ZNF678: variants seen among roughly 807,000 people sequenced by gnomAD.
ZNF678 encodes zinc finger protein 678.
A neutral mutation model predicts 3.0 loss-of-function variants in ZNF678; 5 were observed. The observed-to-expected ratio is 1.69, with a 90% confidence interval of 0.88 to 3.56. ZNF678 has a LOEUF of 3.56. Ranked by LOEUF, ZNF678 falls within the 30% of genes most tolerant of loss-of-function variation. The pLI, the probability that ZNF678 is intolerant of heterozygous loss-of-function variation, is 0.00. For synonymous variants in ZNF678, 218 were observed against 199.6 expected (o/e 1.09, Z -0.78); for missense variants, 593 against 605.0 (o/e 0.98, Z 0.21).
At chr1:227,599,102 C>A in intron 1 of ZNF678, 1 of 1,593,674 alleles carries the variant, frequency 6.3e-7, no homozygotes. Context: ...ACCCCTTGAT[C>A]TCGCCATTGC....
intron 1 of ZNF678, among the ~76,000 whole-genome samples, chr1:227,636,291 T>G (rs1364686533): frequency 1.3e-5 from 2 of 152,188 alleles, no homozygotes; most frequent in African/African-American, 4.8e-5. Context: ...TTGAAGCGAT[T>G]TCTAGAACCG....
chr1:227,591,149 A>G (rs945521871), intron 1 of ZNF678, among the ~76,000 whole-genome samples: 1 of 151,910 alleles, frequency 6.6e-6, no homozygotes, highest in African/African-American at 2.4e-5. Context: ...AGTTTATTGT[A>G]GAAGGTTTGA....
At chr1:227,634,024 G>A (rs144780422) in intron 1 of ZNF678, among the ~76,000 whole-genome samples, 63 of 152,240 alleles carry the variant, frequency 4.1e-4, no homozygotes, top group Non-Finnish European at 8.2e-4. Context: ...TTGCATTTTT[G>A]TATACCAGCT....
intron 1 of ZNF678, among the ~76,000 whole-genome samples, chr1:227,572,309 G>A (rs1296371354): frequency 6.6e-6 from 1 of 152,282 alleles, no homozygotes; most frequent in Non-Finnish European, 1.5e-5. Flanking sequence ...TATGGGAGAA[G>A]CAGGTTGTGA....
rs1157114099 is a variant in ZNF678 at position 227,657,493 on chromosome 1, A to G, written c.*1665A>G. 1.3e-5 allele frequency: 2 copies of G among 151,934 alleles called. No homozygotes were observed. The highest frequency in any genetic ancestry group is 3.9e-4 in the East Asian group (2 of 5,188). 9.4% of individuals were successfully genotyped at this position (151,934 alleles called of 1,614,324 possible). ...ACAATGATACTCTTATATAATCTTC[A>G]GTATAACCATTATAATTGCCCACTA... is the stretch of plus-strand genomic sequence containing the variant. On this transcript the variant is annotated 3_prime_UTR_variant, in exon 4 of 4. Coordinates refer to ENST00000343776, the MANE Select transcript of ZNF678 (RefSeq NM_001367909.1).
intron 2 of ZNF678, among the ~76,000 whole-genome samples, chr1:227,647,914 G>A (rs951019741): frequency 1.3e-5 from 2 of 152,064 alleles, no homozygotes; most frequent in African/African-American, 4.8e-5. Context: ...TTGGCATTTG[G>A]TTCAGAAATC....
intron 1 of ZNF678, among the ~76,000 whole-genome samples, chr1:227,593,492 C>T (rs908200141): frequency 6.6e-6 from 1 of 152,210 alleles, no homozygotes; most frequent in Non-Finnish European, 1.5e-5. Context: ...GGGGGCAAGA[C>T]TCCTGGTTGG....
intron 5 of ZNF678, among the ~76,000 whole-genome samples, chr1:227,671,826 C>T (rs902002192): frequency 3.9e-5 from 6 of 152,124 alleles, no homozygotes; most frequent in African/African-American, 1.4e-4. Flanking sequence ...TGATGTAAGG[C>T]CCTTATTTCC....
In ZNF678 at chr1:227,638,717, A is replaced by G. The variant is rs1658742325; in HGVS notation, c.-163-7827A>G. 6.6e-6 allele frequency among the ~76,000 whole-genome samples: 1 copy of G among 152,080 alleles called. No homozygotes were observed. Among genetic ancestry groups the G allele is most frequent in the African/African-American group, 2.4e-5 (1 of 41,380 alleles). On this transcript the variant is annotated intron_variant, in intron 1 of 3. Transcript: ENST00000343776. The surrounding 1 kb of genome is among the most constrained non-coding windows in gnomAD (Gnocchi z 4.2). ...GGGAGTAATGTGGAGTTTTGAAAGG[A>G]TGTCTCTGCTTAGGAGCAGAGTTGG...
intron 1 of ZNF678, among the ~76,000 whole-genome samples, chr1:227,580,733 C>T (rs549576982): frequency 5.2e-4 from 79 of 152,154 alleles, no homozygotes; most frequent in African/African-American, 1.9e-3. Context: ...AGTTCTAGAC[C>T]AGCCTGACCA....
chr1:227,629,072 C>T (rs1336430951), intron 1 of ZNF678, among the ~76,000 whole-genome samples: 1 of 152,212 alleles, frequency 6.6e-6, no homozygotes, highest in Non-Finnish European at 1.5e-5. Flanking sequence ...CACTAACCTC[C>T]ACTGTCCATT....
rs765839040 is a variant in ZNF678, at chr1:227,652,150, A to T, written c.85+1074A>T. Among the ~76,000 whole-genome samples, 4 of 152,302 alleles carry T rather than the reference A, an allele frequency of 2.6e-5. No individual in the cohort carries two copies. The South Asian group carries it at 8.3e-4, about 32-fold the overall frequency. ...TTATATATGTTCCCAATAAATGAAC[A>T]CTTTTATTATTACTTGATGCTCATA... On this transcript the variant is annotated intron_variant, in intron 3 of 3. Coordinates refer to ENST00000343776, the MANE Select transcript of ZNF678 (RefSeq NM_001367909.1).
intron 1 of ZNF678, among the ~76,000 whole-genome samples, chr1:227,595,220 C>G (rs941892789): frequency 6.6e-6 from 1 of 150,394 alleles, no homozygotes; most frequent in African/African-American, 2.5e-5. Flanking sequence ...GACTTTGTCT[C>G]TCTCTCTTTG....
chr1:227,598,285 A>C, intron 1 of ZNF678: 1 of 806,816 alleles, frequency 1.2e-6, no homozygotes, highest in African/African-American at 1.8e-5. Context: ...GTGGCATCTG[A>C]GTGGCTACTG....
At chr1:227,574,682 A>G (rs1396751655) in intron 1 of ZNF678, among the ~76,000 whole-genome samples, 1 of 151,786 alleles carries the variant, frequency 6.6e-6, no homozygotes. Flanking sequence ...CCATTTGCCA[A>G]TTTTGCTTTT....
intron 2 of ZNF678, among the ~76,000 whole-genome samples, chr1:227,649,732 A>C (rs1659046446): frequency 6.6e-6 from 1 of 152,180 alleles, no homozygotes; most frequent in Non-Finnish European, 1.5e-5. Flanking sequence ...GTGATATTTC[A>C]TCATGGTTTT....
chr1:227,581,819 A>G (rs919083108), intron 1 of ZNF678, among the ~76,000 whole-genome samples: 2 of 152,222 alleles, frequency 1.3e-5, no homozygotes, highest in African/African-American at 2.4e-5. Flanking sequence ...GTTCAGCTTT[A>G]GTATATACTG....
intron 1 of ZNF678, among the ~76,000 whole-genome samples, chr1:227,621,480 A>G (rs1658279117): frequency 6.6e-6 from 1 of 152,110 alleles, no homozygotes; most frequent in Admixed American, 6.5e-5. Flanking sequence ...CTCCTTAGAT[A>G]CACAGGCAGC....
In ZNF678 at chr1:227,616,991, C is replaced by T. The variant is rs145948693; in HGVS notation, c.-163-29553C>T. On this transcript the variant is annotated intron_variant, in intron 1 of 3. Transcript: ENST00000343776. ...CCACTTGGGCCATGTGATAGCAGAT[C>T]CCATGGTGCTTGAGGTGTCATGGCA... is the stretch of plus-strand genomic sequence containing the variant. Among the ~76,000 whole-genome samples the T allele has an allele frequency of 6.1e-3, 928 of 152,304 alleles. 4 individuals carry two copies. The highest frequency in any genetic ancestry group is 0.011 in the Admixed American group (176 of 15,306).
Sources: allele counts gnomAD v4.1 joint callset (sites outside exome capture counted in the v4.1 genomes callset), GRCh38; gene constraint gnomAD v4.1.1; non-coding constraint Gnocchi (gnomAD v3.1); transcripts MANE v1.5; gene names NCBI Gene and HGNC (gene_info 2026-07-23, HGNC 2026-07-21).